SENP5: variants seen among roughly 807,000 people sequenced by gnomAD.
SENP5 encodes SUMO specific peptidase 5.
In SENP5, 21 loss-of-function variants were observed where a neutral mutation model predicts 74.2. The observed-to-expected ratio is 0.28, with a 90% confidence interval of 0.20 to 0.41. The LOEUF is 0.41. Ranked by LOEUF, SENP5 falls within the 10% of genes least tolerant of loss-of-function variation. SENP5 has a pLI of 1.00. For missense variants in SENP5, 717 were observed against 889.1 expected, an observed-to-expected ratio of 0.81 and a Z score of 2.46; for synonymous variants, 311 against 312.7, an observed-to-expected ratio of 0.99 and a Z score of 0.06.
chr3:196,929,950 C>T (rs974322434), intron 9 of SENP5, among the ~76,000 whole-genome samples: 18 of 147,472 alleles, frequency 1.2e-4, no homozygotes, highest in Non-Finnish European at 2.7e-4. Context: ...TGGAGACTGA[C>T]TTGAATTTGT....
intron 1 of SENP5, among the ~76,000 whole-genome samples, chr3:196,869,939 A>G (rs1490443838): frequency 2.0e-5 from 3 of 151,022 alleles, no homozygotes; most frequent in Non-Finnish European, 2.9e-5. Flanking sequence ...CTAGCTTGTC[A>G]TAAACCCAGT....
intron 9 of SENP5, among the ~76,000 whole-genome samples, chr3:196,930,021 C>G (rs1234111569): frequency 6.6e-6 from 1 of 151,000 alleles, no homozygotes; most frequent in Non-Finnish European, 1.5e-5. Flanking sequence ...GGCAAGCAAT[C>G]TGCAGGTCTT....
intron 6 of SENP5, among the ~76,000 whole-genome samples, chr3:196,919,943 A>G (rs1309353427): frequency 6.6e-6 from 1 of 152,082 alleles, no homozygotes; most frequent in Non-Finnish European, 1.5e-5. Flanking sequence ...AATGATGCCT[A>G]TTTTTTATGT....
intron 6 of SENP5, among the ~76,000 whole-genome samples, chr3:196,911,251 A>G (rs1052316927): frequency 6.6e-6 from 1 of 152,218 alleles, no homozygotes; most frequent in Non-Finnish European, 1.5e-5. Flanking sequence ...CAGCAAAAGA[A>G]ACTATCATCA....
intron 6 of SENP5, among the ~76,000 whole-genome samples, chr3:196,922,965 C>T (rs992819964): frequency 2.6e-5 from 4 of 152,078 alleles, no homozygotes; most frequent in African/African-American, 7.2e-5. Context: ...GTTGCCCAGG[C>T]TGGTCTCAAA....
At chr3:196,895,821 C>T (rs181481446) in intron 2 of SENP5, among the ~76,000 whole-genome samples, 2 of 152,268 alleles carry the variant, frequency 1.3e-5, no homozygotes, top group East Asian at 1.9e-4. Context: ...CGTGCCTGGC[C>T]GGGTACTTTA....
intron 1 of SENP5, among the ~76,000 whole-genome samples, chr3:196,870,096 T>A (rs1713146408): frequency 6.6e-6 from 1 of 152,170 alleles, no homozygotes; most frequent in Non-Finnish European, 1.5e-5. Flanking sequence ...TTGAAGTAGA[T>A]CACCTTGGCA....
At position 196,930,929 on chromosome 3, in the gene SENP5, A is replaced by G. The variant is rs1716013181; in HGVS notation, c.*6A>G. ...AGTGCCGGCTCATGGACTGAAACTCAGCAGGGACTCTGGGAAGTCTGACCA... is the reference window on the plus strand; with the variant it reads ...AGTGCCGGCTCATGGACTGAAACTCGGCAGGGACTCTGGGAAGTCTGACCA... On this transcript the variant is annotated 3_prime_UTR_variant, in exon 10 of 10. Transcript: ENST00000323460. 6.3e-7 allele frequency: 1 copy of G among 1,590,700 alleles called. No homozygotes were observed. Among genetic ancestry groups the G allele is most frequent in the East Asian group, 2.2e-5 (1 of 44,784 alleles).
At chr3:196,900,527 A>G (rs1305448089) in intron 5 of SENP5, 115 bp downstream of exon 5, 1 of 805,926 alleles carries the variant, frequency 1.2e-6, no homozygotes. Context: ...TTTTTAAAAG[A>G]AGAGTTCAAT....
At chr3:196,908,221 A>C (rs1714984844) in intron 6 of SENP5, among the ~76,000 whole-genome samples, 2 of 152,182 alleles carry the variant, frequency 1.3e-5, no homozygotes, top group South Asian at 2.1e-4. Flanking sequence ...TCGAGGCTGC[A>C]GTGAACCCTG....
chr3:196,926,298 A>G (rs915410903), intron 7 of SENP5, among the ~76,000 whole-genome samples: 3 of 152,022 alleles, frequency 2.0e-5, no homozygotes, highest in Admixed American at 6.6e-5. Flanking sequence ...CCTGGCCAAC[A>G]TGGTGAAACC....
rs555123246 is a variant in SENP5, at chr3:196,873,969, C to G, written c.-32+5896C>G. Among the ~76,000 whole-genome samples the G allele has an allele frequency of 1.9e-3, 296 of 151,902 alleles. 2 individuals carry two copies. Among genetic ancestry groups the G allele is most frequent in the African/African-American group, 6.7e-3 (276 of 41,438 alleles). The stretch of plus-strand genomic sequence containing the variant: ...CCTTCTGCCTCAGCCTCTTGAGTAG[C>G]TGGGATTATAGACATGCACCATGGT... On this transcript the variant is annotated intron_variant, in intron 1 of 9. Transcript: ENST00000323460.
chr3:196,881,539 C>T (rs922788049), intron 1 of SENP5, among the ~76,000 whole-genome samples: 1 of 151,996 alleles, frequency 6.6e-6, no homozygotes, highest in African/African-American at 2.4e-5. Context: ...CTTTCTTAAG[C>T]TTAAGGAACA....
At chr3:196,929,754 G>A (rs1715955412) in intron 9 of SENP5, 71 bp downstream of exon 9, 2 of 1,019,260 alleles carry the variant, frequency 2.0e-6, no homozygotes, top group African/African-American at 3.2e-5. Context: ...GGGGAGAGAT[G>A]GCAGTTCCTG....
intron 1 of SENP5, among the ~76,000 whole-genome samples, chr3:196,883,054 T>G (rs1713797452): frequency 6.6e-6 from 1 of 152,104 alleles, no homozygotes; most frequent in Non-Finnish European, 1.5e-5. Context: ...GAGTCTCATA[T>G]GCAGTATATA....
intron 6 of SENP5, among the ~76,000 whole-genome samples, chr3:196,913,647 CTT>C (rs1229412806): frequency 1.5e-4 from 15 of 98,072 alleles, no homozygotes; most frequent in South Asian, 4.3e-4. Flanking sequence ...ATAAGAAAGG[CTT>C]TTTTTTTTTT....
chr3:196,902,188 C>A (rs1714728375), intron 5 of SENP5, among the ~76,000 whole-genome samples: 1 of 152,236 alleles, frequency 6.6e-6, no homozygotes, highest in Non-Finnish European at 1.5e-5. Flanking sequence ...ACAGTCATAG[C>A]TCACTGTAGC....
intron 6 of SENP5, among the ~76,000 whole-genome samples, chr3:196,922,494 G>C (rs1715658556): frequency 6.6e-6 from 1 of 152,232 alleles, no homozygotes; most frequent in East Asian, 1.9e-4. Context: ...CCGTCGCCCA[G>C]GCTGGAATGC....
chr3:196,932,489 TTCCTC>T lies in SENP5; in HGVS notation c.*1571_*1575del, dbSNP rs2108871920. ...GACACTGGGAAGCAGCCCCAGCACTTTCCTCTCCTGAGTCCTCCAGACCCAAAATC... is the reference window on the plus strand; with the variant it reads ...GACACTGGGAAGCAGCCCCAGCACTTTCCTGAGTCCTCCAGACCCAAAATC... On this transcript the variant is annotated 3_prime_UTR_variant, in exon 10 of 10. Coordinates refer to ENST00000323460, the MANE Select transcript of SENP5 (RefSeq NM_152699.5). 1 of 152,308 alleles carries T rather than the reference TTCCTC, an allele frequency of 6.6e-6. No individual in the cohort carries two copies. The highest frequency in any genetic ancestry group is 2.1e-4 in the South Asian group (1 of 4,818). The allele number at this position is 152,308 out of a possible 1,614,324, so 9.4% of individuals were successfully genotyped here.
Sources: gnomAD v4.1 joint callset for allele counts (sites outside exome capture counted in the v4.1 genomes callset) on GRCh38, gnomAD v4.1.1 for gene constraint, MANE v1.5 for transcripts, NCBI Gene and HGNC (gene_info 2026-07-23, HGNC 2026-07-21) for gene names.